The following EFCC1 variants were observed in gnomAD, a reference collection of about 807,000 sequenced individuals.
The protein encoded by EFCC1 is EF-hand and coiled-coil domain-containing protein 1.
A neutral mutation model predicts 52.1 loss-of-function variants in EFCC1; 50 were observed. The ratio of observed to expected loss-of-function variants is 0.96; its 90% CI spans 0.76 to 1.21. EFCC1 has a LOEUF of 1.21. Ranked by LOEUF, EFCC1 falls within the 50% of genes most tolerant of loss-of-function variation. The probability of loss-of-function intolerance (pLI) is 0.00; values close to 1 mark genes in which losing one functional copy is unlikely to be tolerated. For missense variants in EFCC1, 837 were observed against 867.3 expected, an observed-to-expected ratio of 0.97 and a Z score of 0.44; for synonymous variants, 399 against 396.5, an observed-to-expected ratio of 1.01 and a Z score of -0.08.
In EFCC1 at chr3:129,038,878, C is replaced by T. The variant is rs374722185; in HGVS notation, c.1641C>T (p.Asp547=). 7.1e-5 allele frequency: 115 copies of T among 1,613,926 alleles called. No individual in the cohort carries two copies. In the Admixed American group the frequency reaches 1.0e-3, roughly 14 times the overall value. The change falls in exon 7 of 8, where the codon GAC becomes GAT. Residue 547 remains aspartate, a synonymous_variant. Transcript: ENST00000683648. ...GGAAGATTTTGCTGAGCACGCTGGA[C>T]GCTTTCAGGGACCCCACCCACGGTA... ...ALGKILLSTL[D]AFRDPTHEGR... is the part of the protein sequence containing the mutation.
chr3:129,039,819 C>A lies in EFCC1; in HGVS notation c.1771C>A (p.Leu591Ile). 1 of 1,610,498 alleles carries A rather than the reference C, an allele frequency of 6.2e-7. No individual in the cohort carries two copies. The highest frequency in any genetic ancestry group is 8.5e-7 in the Non-Finnish European group (1 of 1,177,790). Reference protein sequence around the residue: ...PSAPASAAAALTNPLLVSC With the variant: ...PSAPASAAAAITNPLLVSC ...GGCACCAGCCTCTGCAGCAGCTGCG[C>A]TCACCAACCCCCTCCTCGTCTCCTG... Residue 591 changes from leucine to isoleucine, a missense_variant, in exon 8 of 8, where the codon CTC becomes ATC. By Grantham distance (5) the Leu-to-Ile change is conservative. Coordinates refer to ENST00000683648, the MANE Select transcript of EFCC1 (RefSeq NM_001377500.1).
At chr3:129,025,555 A>G (rs1946069339) in intron 2 of EFCC1, among the ~76,000 whole-genome samples, 3 of 152,326 alleles carry the variant, frequency 2.0e-5, no homozygotes, top group African/African-American at 7.2e-5. Flanking sequence ...TTTTCTGTCA[A>G]GTAGGGCAGA....
At position 129,032,975 on chromosome 3, in the gene EFCC1, C is replaced by T; in HGVS notation, c.1286+9C>T. On this transcript the variant is annotated intron_variant, in intron 4 of 7. Coordinates refer to ENST00000683648, the MANE Select transcript of EFCC1 (RefSeq NM_001377500.1). ...TCCAGCTGCAGAGGCAGGTGTGTGG[C>T]CCGTCCAGCGTCAGCCACTGTGGGC... 6.5e-7 allele frequency: 1 copy of T among 1,528,700 alleles called. No individual in the cohort carries two copies. The allele number at this position is 1,528,700 out of a possible 1,614,324, so 94.7% of individuals were successfully genotyped here.
intron 3 of EFCC1, among the ~76,000 whole-genome samples, chr3:129,031,818 T>G (rs762668140): frequency 9.9e-5 from 15 of 152,166 alleles, no homozygotes; most frequent in Non-Finnish European, 1.9e-4. Context: ...GCCAGAAGCA[T>G]GGAGGGCATT....
Position 129,036,987 on chromosome 3 carries a change from A to G in EFCC1, c.1463A>G (p.Gln488Arg), listed in dbSNP as rs776689470. The change falls in exon 6 of 8, where the codon CAG becomes CGG. Residue 488 changes from glutamine to arginine, a missense_variant. Transcript: ENST00000683648. ...CCCTTCTCTTCCCAGGCAGAGTTGC[A>G]GCAGAAGGTGGAAGAGAATGAGCAC... is the stretch of plus-strand genomic sequence containing the variant. ...LGTSEEEAEL[Q>R]QKVEENEHLR... 1 of 1,613,924 alleles carries G rather than the reference A, an allele frequency of 6.2e-7. No individual in the cohort carries two copies. The highest frequency in any genetic ancestry group is 1.1e-5 in the South Asian group (1 of 91,078).
At position 129,039,940 on chromosome 3, in the gene EFCC1, C is replaced by G. The variant is rs780892464; in HGVS notation, c.*92C>G. The stretch of plus-strand genomic sequence containing the variant: ...GCCCAACCACTGACAGCTGGTCTGA[C>G]CACCGTCACATCATCAGAACTTGAG... On this transcript the variant is annotated 3_prime_UTR_variant, in exon 8 of 8. Transcript: ENST00000683648. 2.4e-5 allele frequency: 34 copies of G among 1,444,314 alleles called. No homozygotes were observed. The highest frequency in any genetic ancestry group is 3.1e-5 in the Non-Finnish European group (34 of 1,085,932). 89.5% of individuals were successfully genotyped at this position (1,444,314 alleles called of 1,614,324 possible).
At chr3:129,037,899 A>G in intron 6 of EFCC1, among the ~76,000 whole-genome samples, 1 of 138,156 alleles carries the variant, frequency 7.2e-6, no homozygotes, top group Non-Finnish European at 1.6e-5. Flanking sequence ...CCACCTCTAC[A>G]AAAAAAAAAA....
intron 2 of EFCC1, among the ~76,000 whole-genome samples, chr3:129,011,305 C>T (rs1237359524): frequency 6.6e-6 from 1 of 152,170 alleles, no homozygotes; most frequent in African/African-American, 2.4e-5. Flanking sequence ...AATCCCAACA[C>T]TTTGGGAGGC....
At chr3:129,002,514 A>G in intron 1 of EFCC1, 190 bp downstream of exon 1, 1 of 1,160,836 alleles carries the variant, frequency 8.6e-7, no homozygotes, top group Non-Finnish European at 1.1e-6. Context: ...CCAGTCCCCA[A>G]CCCTATTCTT....
chr3:129,038,697 C>A, intron 6 of EFCC1, 134 bp from the exon 7 acceptor site: 1 of 827,148 alleles, frequency 1.2e-6, no homozygotes, highest in Non-Finnish European at 2.0e-6. Context: ...GGCCAAGAAG[C>A]GATGAGGGTG....
chr3:129,029,082 G>A (rs1265105698), intron 2 of EFCC1, among the ~76,000 whole-genome samples: 1 of 152,090 alleles, frequency 6.6e-6, no homozygotes, highest in Non-Finnish European at 1.5e-5. Flanking sequence ...GGCTCTGCCT[G>A]CGATTCGAGT....
chr3:129,032,988 A>C (rs1483929960), intron 4 of EFCC1, 22 bp downstream of exon 4: 6 of 1,510,504 alleles, frequency 4.0e-6, no homozygotes, highest in Non-Finnish European at 5.3e-6. Context: ...GTCCAGCGTC[A>C]GCCACTGTGG....
At chr3:129,021,943 T>C (rs1394827267) in intron 2 of EFCC1, among the ~76,000 whole-genome samples, 1 of 152,186 alleles carries the variant, frequency 6.6e-6, no homozygotes, top group Non-Finnish European at 1.5e-5. Context: ...CATTTTGGAA[T>C]AGCACAGGGC....
intron 1 of EFCC1, chr3:129,003,405 G>T: frequency 5.9e-6 from 3 of 507,620 alleles, no homozygotes; most frequent in Non-Finnish European, 7.6e-6. Flanking sequence ...GGGAGGGCTG[G>T]AAATGCCACT....
chr3:129,033,927 G>C (rs2107938263), intron 4 of EFCC1, among the ~76,000 whole-genome samples: 1 of 152,388 alleles, frequency 6.6e-6, no homozygotes, highest in East Asian at 1.9e-4. Flanking sequence ...GGCTGGAGCA[G>C]TGTGAGTGCA....
At chr3:129,035,197 T>G (rs1946340142) in intron 5 of EFCC1, among the ~76,000 whole-genome samples, 1 of 152,236 alleles carries the variant, frequency 6.6e-6, no homozygotes, top group Admixed American at 6.5e-5. Context: ...TATGGCCTGA[T>G]GAAGTCCTAG....
At chr3:129,031,418 G>A (rs1946270566) in intron 3 of EFCC1, among the ~76,000 whole-genome samples, 1 of 152,162 alleles carries the variant, frequency 6.6e-6, no homozygotes, top group Admixed American at 6.5e-5. Flanking sequence ...TCCAGCCTAG[G>A]TGACAGAGTG....
chr3:129,028,993 T>C (rs1385470944), intron 2 of EFCC1, among the ~76,000 whole-genome samples: 2 of 152,196 alleles, frequency 1.3e-5, no homozygotes, highest in Non-Finnish European at 2.9e-5. Flanking sequence ...CTCCTGATGC[T>C]CCTGGCTGGT....
chr3:129,022,799 A>G (rs419463), intron 2 of EFCC1, among the ~76,000 whole-genome samples: 38,120 of 152,062 alleles, frequency 0.25, 5,215 homozygotes, highest in Middle Eastern at 0.39. Flanking sequence ...CATTTCCCCC[A>G]TGGCTCCCGA....
Sources: gnomAD v4.1 joint callset for allele counts (sites outside exome capture counted in the v4.1 genomes callset) on GRCh38, gnomAD v4.1.1 for gene constraint, MANE v1.5 for transcripts, NCBI Gene and HGNC (gene_info 2026-07-23, HGNC 2026-07-21) for gene names.